Variants in NOL10 observed in about 807,000 individuals in gnomAD.
NOL10 encodes nucleolar protein 10, also known as H_NH0074G24.1.
In NOL10, 58 loss-of-function variants were observed where a neutral mutation model predicts 103.5. The observed-to-expected ratio is 0.56, with a 90% CI of 0.45 to 0.70. The LOEUF (loss-of-function observed/expected upper bound fraction) is 0.70, where lower values mean the gene tolerates loss of function less well. NOL10 is among the 30% of genes least tolerant of loss of function. The pLI is 0.00. For missense variants in NOL10, 763 were observed against 807.3 expected, an observed-to-expected ratio of 0.95 and a Z score of 0.67; for synonymous variants, 287 against 282.5, an observed-to-expected ratio of 1.02 and a Z score of -0.16.
At chr2:10,663,161 G>A in intron 8 of NOL10, 117 bp from the exon 9 acceptor site, 6 of 701,410 alleles carry the variant, frequency 8.6e-6, no homozygotes, top group Middle Eastern at 2.5e-4. Context: ...GAAGCCAGGA[G>A]TTTGAGACTA....
intron 17 of NOL10, among the ~76,000 whole-genome samples, chr2:10,597,573 T>C (rs189887154): frequency 8.7e-4 from 133 of 152,344 alleles, no homozygotes; most frequent in Middle Eastern, 3.4e-3. Context: ...AAGATGAAAC[T>C]GTTCAACAAC....
At position 10,646,247 on chromosome 2, in the gene NOL10, C is replaced by T. The variant is rs903765229; in HGVS notation, c.974-1875G>A. ...TTAAAGCAGTTCTGGAGACAGAAGCCACATCTTCACAACCAAAAGGAAGGT... is the reference window on the plus strand; with the variant it reads ...TTAAAGCAGTTCTGGAGACAGAAGCTACATCTTCACAACCAAAAGGAAGGT... On this transcript the variant is annotated intron_variant, in intron 12 of 20. Transcript: ENST00000381685. 4.6e-5 allele frequency among the ~76,000 whole-genome samples: 7 copies of T among 152,120 alleles called. No homozygotes were observed. The East Asian group carries it at 1.4e-3, about 29-fold the overall frequency.
At chr2:10,668,271 T>C (rs914564258) in intron 7 of NOL10, among the ~76,000 whole-genome samples, 2 of 152,150 alleles carry the variant, frequency 1.3e-5, no homozygotes, top group Non-Finnish European at 2.9e-5. Context: ...AAAGGAAACC[T>C]TTAAAAACCT....
At chr2:10,614,870 G>A (rs1238573398) in intron 13 of NOL10, among the ~76,000 whole-genome samples, 2 of 152,174 alleles carry the variant, frequency 1.3e-5, no homozygotes, top group Non-Finnish European at 2.9e-5. Flanking sequence ...TGCATCTCCT[G>A]TGGGAAAATG....
intron 12 of NOL10, among the ~76,000 whole-genome samples, chr2:10,650,708 A>G (rs1679403810): frequency 6.6e-6 from 1 of 152,122 alleles, no homozygotes. Flanking sequence ...GTGAGCTATA[A>G]TTGTGCCACT....
intron 13 of NOL10, among the ~76,000 whole-genome samples, chr2:10,630,308 T>C (rs923327377): frequency 6.6e-6 from 1 of 152,246 alleles, no homozygotes; most frequent in South Asian, 2.1e-4. Flanking sequence ...AATGCTGGTA[T>C]TCAAACTCGG....
chr2:10,683,132 CT>C (rs1317234104), intron 2 of NOL10, among the ~76,000 whole-genome samples: 1 of 152,164 alleles, frequency 6.6e-6, no homozygotes. Context: ...ACTTATACCT[CT>C]TTTGGAACCA....
intron 9 of NOL10, among the ~76,000 whole-genome samples, chr2:10,660,102 C>T (rs1438147189): frequency 6.6e-6 from 1 of 152,128 alleles, no homozygotes; most frequent in Non-Finnish European, 1.5e-5. Flanking sequence ...CGTCCACATG[C>T]CCTTGGCCCA....
intron 17 of NOL10, among the ~76,000 whole-genome samples, chr2:10,591,378 G>A (rs2024433): frequency 3.3e-5 from 5 of 151,940 alleles, no homozygotes; most frequent in East Asian, 3.9e-4. Context: ...AGGGGCCCTG[G>A]GGGGTGCAGC....
chr2:10,604,992 AT>A (rs779123442), intron 14 of NOL10, among the ~76,000 whole-genome samples: 1 of 152,218 alleles, frequency 6.6e-6, no homozygotes, highest in Non-Finnish European at 1.5e-5. Flanking sequence ...TTTGCCACAA[AT>A]CTCCTAAAAT....
Position 10,572,271 on chromosome 2 carries a change from G to T in NOL10, c.1948-81C>A, listed in dbSNP as rs1341474792. On this transcript the variant is annotated intron_variant, in intron 20 of 20. Transcript: ENST00000381685. ...TCTGGTAACCGTCAGGCTGCCAACAGTACCACCACCAATCTCAGAACTGCT... is the reference window on the plus strand; with the variant it reads ...TCTGGTAACCGTCAGGCTGCCAACATTACCACCACCAATCTCAGAACTGCT... 2.1e-6 allele frequency: 3 copies of T among 1,442,726 alleles called. No homozygotes were observed. The East Asian group carries it at 6.8e-5, about 33-fold the overall frequency. 89.4% of individuals were successfully genotyped at this position (1,442,726 alleles called of 1,614,324 possible).
chr2:10,681,708 T>C (rs1279798598), intron 3 of NOL10, among the ~76,000 whole-genome samples: 1 of 152,166 alleles, frequency 6.6e-6, no homozygotes, highest in African/African-American at 2.4e-5. Context: ...CAACTTACAC[T>C]GAAATGCATC....
intron 14 of NOL10, among the ~76,000 whole-genome samples, chr2:10,605,348 A>G (rs12692415): frequency 0.59 from 89,960 of 152,046 alleles, 27,631 homozygotes; most frequent in African/African-American, 0.74. Context: ...CTAATGCTGC[A>G]CTAAAAATAA....
intron 1 of NOL10, among the ~76,000 whole-genome samples, chr2:10,686,424 G>A (rs1682208740): frequency 1.3e-5 from 2 of 152,186 alleles, no homozygotes; most frequent in African/African-American, 4.8e-5. Context: ...TGAGCTCAGA[G>A]AGGAGGGCAG....
At chr2:10,662,817 T>C in intron 9 of NOL10, 142 bp downstream of exon 9, 1 of 664,686 alleles carries the variant, frequency 1.5e-6, no homozygotes, top group East Asian at 2.8e-5. Flanking sequence ...AGTGAGCTTT[T>C]ACAGGAGAGG....
chr2:10,575,605 T>G (rs1007383490), intron 20 of NOL10, among the ~76,000 whole-genome samples: 1 of 152,230 alleles, frequency 6.6e-6, no homozygotes, highest in African/African-American at 2.4e-5. Context: ...CATCTTATTT[T>G]CATTTTACTA....
intron 13 of NOL10, among the ~76,000 whole-genome samples, chr2:10,625,702 A>G (rs1677414165): frequency 6.6e-6 from 1 of 152,070 alleles, no homozygotes; most frequent in African/African-American, 2.4e-5. Context: ...GTATAAGCCA[A>G]CTTTACCTCC....
At chr2:10,656,684 G>C (rs1229140062) in intron 11 of NOL10, among the ~76,000 whole-genome samples, 1 of 152,256 alleles carries the variant, frequency 6.6e-6, no homozygotes, top group African/African-American at 2.4e-5. Context: ...CAGCCCCCAC[G>C]GAATAGACGG....
chr2:10,631,871 C>A (rs567343870), intron 13 of NOL10, among the ~76,000 whole-genome samples: 1 of 152,192 alleles, frequency 6.6e-6, no homozygotes, highest in Non-Finnish European at 1.5e-5. Context: ...TGTGCCACCA[C>A]ATCCAGCTAA....
Sources: gnomAD v4.1 joint callset for allele counts (sites outside exome capture counted in the v4.1 genomes callset) on GRCh38, gnomAD v4.1.1 for gene constraint, MANE v1.5 for transcripts, NCBI Gene and HGNC (gene_info 2026-07-23, HGNC 2026-07-21) for gene names.